Variants in IL4R observed in about 807,000 individuals in gnomAD.
IL4R encodes interleukin 4 receptor.
A neutral mutation model predicts 41.5 loss-of-function variants in IL4R; 17 were observed. The ratio of observed to expected loss-of-function variants is 0.41; its 90% CI spans 0.28 to 0.61. The LOEUF (loss-of-function observed/expected upper bound fraction) is 0.61, where lower values mean the gene tolerates loss of function less well. Among genes scored for constraint, IL4R ranks in the 20% least tolerant of loss-of-function variants. The probability of loss-of-function intolerance (pLI) is 0.31; values close to 1 mark genes in which losing one functional copy is unlikely to be tolerated. For synonymous variants in IL4R, 402 were observed against 422.9 expected, an observed-to-expected ratio of 0.95 and a Z score of 0.61; for missense variants, 974 against 1,043.1, an observed-to-expected ratio of 0.93 and a Z score of 0.91.
intron 3 of IL4R, 44 bp downstream of exon 3, chr16:27,340,317 G>T (rs1389631325): frequency 6.8e-7 from 1 of 1,470,618 alleles, no homozygotes; most frequent in Middle Eastern, 1.7e-4. Context: ...GCTATTAATG[G>T]CGTGCCAGGG....
chr16:27,341,414 C>A, intron 3 of IL4R: 1 of 542,498 alleles, frequency 1.8e-6, no homozygotes, highest in Non-Finnish European at 3.3e-6. Flanking sequence ...ATGGTAAGCC[C>A]TTATGCAAGT....
intron 7 of IL4R, chr16:27,355,079 C>T (rs1392734211): frequency 1.1e-5 from 5 of 441,516 alleles, no homozygotes; most frequent in African/African-American, 2.0e-5. Context: ...GGGGAATCGG[C>T]GATGAACAAA....
At chr16:27,353,271 C>T (rs1053050282) in intron 7 of IL4R, among the ~76,000 whole-genome samples, 7 of 152,046 alleles carry the variant, frequency 4.6e-5, no homozygotes, top group South Asian at 2.1e-4. Context: ...TGCAGTGAGC[C>T]GTGATCGTAC....
intron 1 of IL4R, among the ~76,000 whole-genome samples, chr16:27,319,878 T>TC (rs936323231): frequency 2.0e-5 from 3 of 151,242 alleles, no homozygotes; most frequent in African/African-American, 7.3e-5. Flanking sequence ...TACTTTTTCT[T>TC]TTTTTTTTAA....
chr16:27,315,126 G>A (rs1368383693), intron 1 of IL4R, among the ~76,000 whole-genome samples: 1 of 152,208 alleles, frequency 6.6e-6, no homozygotes, highest in Non-Finnish European at 1.5e-5. Flanking sequence ...TGGGAGGCAT[G>A]ACCCACTGCA....
chr16:27,351,790 C>T (rs947685017), intron 6 of IL4R, among the ~76,000 whole-genome samples: 2 of 152,208 alleles, frequency 1.3e-5, no homozygotes, highest in African/African-American at 4.8e-5. Flanking sequence ...GCTGGGATTA[C>T]AGGCATGAGC....
chr16:27,357,923 T>C (rs2086143596), intron 8 of IL4R, among the ~76,000 whole-genome samples: 1 of 148,208 alleles, frequency 6.7e-6, no homozygotes, highest in Non-Finnish European at 1.5e-5. Context: ...AGATGGAGTC[T>C]CATGTTGTCC....
chr16:27,342,092 C>T, intron 3 of IL4R, 29 bp from the exon 4 acceptor site: 1 of 1,611,034 alleles, frequency 6.2e-7, no homozygotes, highest in East Asian at 2.2e-5. Context: ...AGTTCCTGGG[C>T]CGCTCAGGCT....
chr16:27,342,266 C>T lies in IL4R; in HGVS notation c.209+7C>T. ...TGGTTTTTCTGCTCTCCGAGTAAGC[C>T]TGCGCTGGAGCTGGAGGTTTGGGGA... On this transcript the variant is annotated splice_region_variant and intron_variant, in intron 4 of 10. Coordinates refer to ENST00000395762, the MANE Select transcript of IL4R (RefSeq NM_000418.4). 1 of 1,614,128 alleles carries T rather than the reference C, an allele frequency of 6.2e-7. No individual in the cohort carries two copies. Among genetic ancestry groups the T allele is most frequent in the Non-Finnish European group, 8.5e-7 (1 of 1,179,982 alleles).
At chr16:27,359,061 GGGCTGTTAA>G in intron 9 of IL4R, 67 bp downstream of exon 9, 2 of 1,197,650 alleles carry the variant, frequency 1.7e-6, no homozygotes, top group Non-Finnish European at 2.5e-6. Context: ...CAGAACACCT[GGGCTGTTAA>G]GGACCTTCAC....
intron 2 of IL4R, among the ~76,000 whole-genome samples, chr16:27,337,899 C>T (rs1596801452): frequency 6.6e-6 from 1 of 151,358 alleles, no homozygotes; most frequent in South Asian, 2.1e-4. Context: ...ACCAGGAGTG[C>T]TGGGGAAAAG....
intron 7 of IL4R, 140 bp downstream of exon 7, chr16:27,352,836 C>A: frequency 1.2e-6 from 1 of 834,714 alleles, no homozygotes; most frequent in Non-Finnish European, 1.9e-6. Context: ...GATACACCTG[C>A]CGTGGTGTAT....
At chr16:27,334,451 G>C (rs1362756231) in intron 2 of IL4R, 6 of 152,114 alleles carry the variant, frequency 3.9e-5, no homozygotes, top group African/African-American at 7.2e-5. Flanking sequence ...AACAGATTAA[G>C]GATATCAATC....
chr16:27,363,429 C>T lies in IL4R; in HGVS notation c.2077C>T (p.Pro693Ser), dbSNP rs2086378487. Residue 693 changes from proline (P) to serine (S), a missense_variant, in exon 11 of 11, where the codon CCA becomes TCA. Physicochemically the swap from Pro to Ser is moderately conservative, Grantham distance 74 (BLOSUM62 -1). Transcript: ENST00000395762. ...GEKVEDMPKP[P>S]LPQEQATDPL... ...AAAGGTAGAGGACATGCCAAAGCCC[C>T]CACTTCCCCAGGAGCAGGCCACAGA... 6 of 1,614,124 alleles carry T rather than the reference C, an allele frequency of 3.7e-6. No homozygotes were observed. Among genetic ancestry groups the T allele is most frequent in the Non-Finnish European group, 5.1e-6 (6 of 1,180,016 alleles).
chr16:27,340,719 C>CA (rs915859628), intron 3 of IL4R, among the ~76,000 whole-genome samples: 30 of 148,806 alleles, frequency 2.0e-4, no homozygotes, highest in African/African-American at 5.7e-4. Context: ...GAGACCCTGT[C>CA]AAAAAAAAAG....
Position 27,364,251 on chromosome 16 carries a change from A to C in IL4R, c.*421A>C. On this transcript the variant is annotated 3_prime_UTR_variant, in exon 11 of 11. Transcript: ENST00000395762. ...GGCCCACCTGCCTCTGTCTCACTGA[A>C]CTAGAAGCCGAGCCTAGAAACTAAC... 5.8e-6 allele frequency: 1 copy of C among 171,232 alleles called. No individual in the cohort carries two copies. The highest frequency in any genetic ancestry group is 1.2e-5 in the Non-Finnish European group (1 of 80,508). 10.6% of individuals were successfully genotyped at this position (171,232 alleles called of 1,614,324 possible).
chr16:27,315,938 T>C (rs181945571), intron 1 of IL4R, among the ~76,000 whole-genome samples: 1,610 of 151,872 alleles, frequency 0.011, 37 homozygotes, highest in African/African-American at 0.037. Flanking sequence ...AACCTAAGGG[T>C]TTCCAAATGC....
At chr16:27,328,137 G>A (rs1334775162) in intron 1 of IL4R, among the ~76,000 whole-genome samples, 4 of 143,432 alleles carry the variant, frequency 2.8e-5, no homozygotes, top group East Asian at 2.3e-4. Context: ...TTGAACCCAC[G>A]CGGAGGTTGC....
chr16:27,350,925 G>A (rs1011390844), intron 6 of IL4R, among the ~76,000 whole-genome samples: 1 of 152,200 alleles, frequency 6.6e-6, no homozygotes, highest in Non-Finnish European at 1.5e-5. Context: ...GCAAATGTGT[G>A]TGTTCAGTCA....
Sources: gnomAD v4.1 joint callset for allele counts (sites outside exome capture counted in the v4.1 genomes callset) on GRCh38, gnomAD v4.1.1 for gene constraint, MANE v1.5 for transcripts, NCBI Gene and HGNC (gene_info 2026-07-23, HGNC 2026-07-21) for gene names.